Variants in GFPT1 observed in about 807,000 individuals in gnomAD.
The protein encoded by GFPT1 is glutamine--fructose-6-phosphate aminotransferase [isomerizing] 1.
In GFPT1, 40 loss-of-function variants were observed where a neutral mutation model predicts 92.0. The observed-to-expected ratio is 0.43, with a 90% CI of 0.34 to 0.57. The LOEUF is 0.57. Ranked by LOEUF, GFPT1 falls within the 20% of genes least tolerant of loss-of-function variation. GFPT1 has a pLI of 0.02. For synonymous variants in GFPT1, 269 were observed against 280.6 expected (o/e 0.96, Z 0.41); for missense variants, 448 against 869.1 (o/e 0.52, Z 6.09).
chr2:69,350,827 CA>C (rs1671187637), intron 9 of GFPT1, among the ~76,000 whole-genome samples: 1 of 150,028 alleles, frequency 6.7e-6, no homozygotes, highest in Non-Finnish European at 1.5e-5. Flanking sequence ...CACTTGAACC[CA>C]GGAAGTGGAG....
chr2:69,350,269 GA>G, intron 9 of GFPT1, 86 bp from the exon 10 acceptor site: 1 of 904,574 alleles, frequency 1.1e-6, no homozygotes, highest in East Asian at 2.5e-5. Context: ...ATAAAATCAA[GA>G]AAAAATCATA....
At chr2:69,372,198 C>CAAAAA (rs534920006) in intron 2 of GFPT1, among the ~76,000 whole-genome samples, 6 of 52,716 alleles carry the variant, frequency 1.1e-4, no homozygotes, top group African/African-American at 2.7e-4. Flanking sequence ...GACTCCATCT[C>CAAAAA]AAAAAAAAAA....
At chr2:69,338,945 G>A (rs1011989492) in intron 13 of GFPT1, among the ~76,000 whole-genome samples, 6 of 151,936 alleles carry the variant, frequency 3.9e-5, no homozygotes, top group Admixed American at 1.3e-4. Context: ...GACTATAGGC[G>A]TGCGCCACCA....
At chr2:69,373,552 G>A (rs548480136) in intron 2 of GFPT1, among the ~76,000 whole-genome samples, 4 of 152,110 alleles carry the variant, frequency 2.6e-5, no homozygotes, top group African/African-American at 9.7e-5. Flanking sequence ...CCCAGAGTTC[G>A]AGACTGTAGT....
chr2:69,350,800 G>A (rs1671187071), intron 9 of GFPT1, among the ~76,000 whole-genome samples: 1 of 151,960 alleles, frequency 6.6e-6, no homozygotes, highest in South Asian at 2.1e-4. Flanking sequence ...CTACTTGGGA[G>A]GCTTAGGCAG....
At chr2:69,378,067 G>A (rs77819164) in intron 1 of GFPT1, among the ~76,000 whole-genome samples, 2,446 of 152,160 alleles carry the variant, frequency 0.016, 76 homozygotes, top group African/African-American at 0.054. Flanking sequence ...CAAGGCTGGC[G>A]CCATCTCAGC....
chr2:69,329,656 A>G (rs866910263), intron 16 of GFPT1, 28 bp downstream of exon 16: 1 of 1,445,462 alleles, frequency 6.9e-7, no homozygotes, highest in Middle Eastern at 1.7e-4. Flanking sequence ...TTAGACAACA[A>G]AAGTGTAATA....
At chr2:69,335,944 T>C (rs1171581422) in intron 15 of GFPT1, among the ~76,000 whole-genome samples, 1 of 151,548 alleles carries the variant, frequency 6.6e-6, no homozygotes, top group Admixed American at 6.6e-5. Flanking sequence ...GAGGATCACC[T>C]GAGCCTGGGA....
At position 69,325,487 on chromosome 2, in the gene GFPT1, T is replaced by C. The variant is rs1425639876; in HGVS notation, c.*702A>G. The C allele has an allele frequency of 6.6e-6, 1 of 152,176 alleles. No homozygotes were observed. Among genetic ancestry groups the C allele is most frequent in the Non-Finnish European group, 1.5e-5 (1 of 68,008 alleles). 9.4% of individuals were successfully genotyped at this position (152,176 alleles called of 1,614,324 possible). A position where few individuals can be genotyped will look rare whatever the true frequency, so the allele number is the denominator to read the frequency against. On this transcript the variant is annotated 3_prime_UTR_variant, in exon 20 of 20. Transcript: ENST00000357308. ...CATATTGTCAGTTGTCCAAAGCAGC[T>C]TGAATTTAAAGTTTGTGCTATAAAA...
At position 69,325,209 on chromosome 2, in the gene GFPT1, T is replaced by C. The variant is rs976797840; in HGVS notation, c.*980A>G. The stretch of plus-strand genomic sequence containing the variant: ...GGACTAGTTTTATGCAACAATGTAA[T>C]GAAGGAAAGTTAAAATTAACTACAG... On this transcript the variant is annotated 3_prime_UTR_variant, in exon 20 of 20. Coordinates refer to ENST00000357308, the MANE Select transcript of GFPT1 (RefSeq NM_001244710.2). The C allele has an allele frequency of 6.6e-6, 1 of 152,110 alleles. No homozygotes were observed. The highest frequency in any genetic ancestry group is 6.6e-5 in the Admixed American group (1 of 15,266). 9.4% of individuals were successfully genotyped at this position (152,110 alleles called of 1,614,324 possible).
chr2:69,361,107 A>G (rs1019102355), intron 4 of GFPT1, among the ~76,000 whole-genome samples: 1 of 151,948 alleles, frequency 6.6e-6, no homozygotes, highest in Admixed American at 6.6e-5. Flanking sequence ...AATAATAAAC[A>G]TTTTCACTAG....
chr2:69,353,239 T>A (rs977722277), intron 9 of GFPT1, among the ~76,000 whole-genome samples: 1 of 151,834 alleles, frequency 6.6e-6, no homozygotes, highest in East Asian at 1.9e-4. Context: ...GTACAAAAAA[T>A]TTAAAGTTAG....
At chr2:69,332,510 G>T (rs1445684776) in intron 15 of GFPT1, among the ~76,000 whole-genome samples, 2 of 151,364 alleles carry the variant, frequency 1.3e-5, no homozygotes, top group Admixed American at 6.6e-5. Flanking sequence ...TAGAGACGGG[G>T]TTTCACTATG....
chr2:69,369,772 C>G (rs1253696120), intron 3 of GFPT1, among the ~76,000 whole-genome samples: 1 of 152,170 alleles, frequency 6.6e-6, no homozygotes, highest in Non-Finnish European at 1.5e-5. Context: ...GGTAATATAC[C>G]TAACTAATTT....
Position 69,340,296 on chromosome 2 carries a change from G to A in GFPT1, c.1204-1731C>T, listed in dbSNP as rs902875824. The stretch of plus-strand genomic sequence containing the variant: ...TCCTGCCCCAGCTTCCGAGGAGCTG[G>A]AACTATAGGCACACACCACTGCACC... On this transcript the variant is annotated intron_variant, in intron 13 of 19. Transcript: ENST00000357308. Among the ~76,000 whole-genome samples the A allele has an allele frequency of 3.3e-5, 5 of 151,876 alleles. No homozygotes were observed. In the East Asian group the frequency reaches 7.7e-4, roughly 23 times the overall value.
rs1198952058 is a variant in GFPT1 at position 69,337,845 on chromosome 2, C to G, written c.1482+53G>C. 1.6e-5 allele frequency: 23 copies of G among 1,430,412 alleles called. 2 individuals carry two copies. In the South Asian group the frequency reaches 2.6e-4, roughly 16 times the overall value. 88.6% of individuals were successfully genotyped at this position (1,430,412 alleles called of 1,614,324 possible). A position where few individuals can be genotyped will look rare whatever the true frequency, so the allele number is the denominator to read the frequency against. On this transcript the variant is annotated intron_variant, in intron 15 of 19. Transcript: ENST00000357308. ...ACAGACTAGTCTACAGACTAGTCTG[C>G]TTCACTGACACTATGATTAAATAAT...
intron 1 of GFPT1, among the ~76,000 whole-genome samples, chr2:69,381,920 G>C (rs759682005): frequency 6.7e-6 from 1 of 150,294 alleles, no homozygotes; most frequent in Admixed American, 6.7e-5. Flanking sequence ...CTGGGGTACA[G>C]TGGCGTGTTC....
In GFPT1 at chr2:69,369,990, A is replaced by G; in HGVS notation, c.223+11T>C. 1 of 1,412,916 alleles carries G rather than the reference A, an allele frequency of 7.1e-7. No individual in the cohort carries two copies. The highest frequency in any genetic ancestry group is 1.0e-6 in the Non-Finnish European group (1 of 996,178). 87.5% of individuals were successfully genotyped at this position (1,412,916 alleles called of 1,614,324 possible). A position where few individuals can be genotyped will look rare whatever the true frequency, so the allele number is the denominator to read the frequency against. ...GGGGAAAGGGGACAAAAATCAAATT[A>G]AGTACGTTACTGTGAACTTCTTCAT... On this transcript the variant is annotated intron_variant, in intron 3 of 19. Coordinates refer to ENST00000357308, the MANE Select transcript of GFPT1 (RefSeq NM_001244710.2).
At chr2:69,385,540 A>AT (rs778309030) in intron 1 of GFPT1, among the ~76,000 whole-genome samples, 22 of 70,046 alleles carry the variant, frequency 3.1e-4, no homozygotes, top group African/African-American at 2.4e-3. Flanking sequence ...TTATTTATTT[A>AT]TTTATTTTTT....
Sources: gnomAD v4.1 joint callset for allele counts (sites outside exome capture counted in the v4.1 genomes callset) on GRCh38, gnomAD v4.1.1 for gene constraint, MANE v1.5 for transcripts, NCBI Gene and HGNC (gene_info 2026-07-23, HGNC 2026-07-21) for gene names.